Variants in KRABD5 observed in about 807,000 individuals in gnomAD.
KRABD5 encodes KRAB domain containing 5.
chr16:31,735,842 A>G, the KRABD5 span, among the ~76,000 whole-genome samples: 1 of 152,122 alleles, frequency 6.6e-6, no homozygotes, highest in African/African-American at 2.4e-5. Flanking sequence ...ATAGTTTGCA[A>G]ATGTTTTCTC....
At chr16:31,755,483 A>G in the KRABD5 span, 2 of 463,248 alleles carry the variant, frequency 4.3e-6, no homozygotes, top group Non-Finnish European at 8.8e-6. Context: ...TAAAGCATGT[A>G]GCAAATCTTT....
chr16:31,742,883 G>A, the KRABD5 span, among the ~76,000 whole-genome samples: 1 of 152,240 alleles, frequency 6.6e-6, no homozygotes, highest in Admixed American at 6.5e-5. Flanking sequence ...GTCTCATTAT[G>A]GTTTTGATTT....
chr16:31,734,093 C>G, the KRABD5 span, among the ~76,000 whole-genome samples: 1 of 152,030 alleles, frequency 6.6e-6, no homozygotes, highest in South Asian at 2.1e-4. Flanking sequence ...TAAATTGATA[C>G]AATGTTAATT....
the KRABD5 span, among the ~76,000 whole-genome samples, chr16:31,743,276 T>C: frequency 6.6e-6 from 1 of 152,220 alleles, no homozygotes; most frequent in Non-Finnish European, 1.5e-5. Context: ...AAGTCTTTAG[T>C]CCATCTTGAG....
the KRABD5 span, chr16:31,754,435 C>G: frequency 4.1e-4 from 263 of 640,078 alleles, 1 homozygote; most frequent in Non-Finnish European, 5.6e-4. Context: ...TAAATAATTA[C>G]CAGTATATTT....
chr16:31,732,181 G>A, the KRABD5 span, among the ~76,000 whole-genome samples: 1 of 152,178 alleles, frequency 6.6e-6, no homozygotes, highest in Non-Finnish European at 1.5e-5. Flanking sequence ...TCCTCAAATT[G>A]TCCTCCTTGA....
the KRABD5 span, among the ~76,000 whole-genome samples, chr16:31,718,942 TTCC>T: frequency 3.9e-5 from 6 of 152,258 alleles, no homozygotes; most frequent in Non-Finnish European, 8.8e-5. Flanking sequence ...CCAGGATTTG[TTCC>T]TCCACTCACA....
chr16:31,722,682 C>G, the KRABD5 span: 1 of 1,613,274 alleles, frequency 6.2e-7, no homozygotes, highest in East Asian at 2.2e-5. Context: ...AGTGGGAACA[C>G]CTGGACTCAG....
chr16:31,727,683 T>C, the KRABD5 span, among the ~76,000 whole-genome samples: 2 of 152,198 alleles, frequency 1.3e-5, no homozygotes, highest in African/African-American at 4.8e-5. Context: ...TCCTTTCTTA[T>C]TATTGGTCTG....
chr16:31,725,730 T>G, the KRABD5 span, among the ~76,000 whole-genome samples: 466 of 152,344 alleles, frequency 3.1e-3, no homozygotes, highest in Non-Finnish European at 4.9e-3. Context: ...GATGATTAAT[T>G]ATATTCAGCA....
chr16:31,738,705 A>G, the KRABD5 span, among the ~76,000 whole-genome samples: 2 of 151,940 alleles, frequency 1.3e-5, no homozygotes, highest in Non-Finnish European at 2.9e-5. Context: ...TCACCATTGC[A>G]TTTTGTTCAA....
the KRABD5 span, chr16:31,713,280 G>T: frequency 9.5e-7 from 1 of 1,055,212 alleles, no homozygotes. Flanking sequence ...TGCAGTAAGA[G>T]CTCAGTCTCT....
chr16:31,741,787 A>T, the KRABD5 span, among the ~76,000 whole-genome samples: 1 of 151,576 alleles, frequency 6.6e-6, no homozygotes, highest in African/African-American at 2.4e-5. Flanking sequence ...CTGTGCAGAA[A>T]CTCTTTAATT....
the KRABD5 span, among the ~76,000 whole-genome samples, chr16:31,716,826 A>G: frequency 6.6e-6 from 1 of 152,242 alleles, no homozygotes; most frequent in Non-Finnish European, 1.5e-5. Context: ...AATTAAAAAT[A>G]TGAGACTTAA....
At chr16:31,749,608 G>A in the KRABD5 span, among the ~76,000 whole-genome samples, 3 of 152,340 alleles carry the variant, frequency 2.0e-5, no homozygotes, top group Admixed American at 1.3e-4. Context: ...CTTCCGATCC[G>A]TGGGTTGCAC....
chr16:31,737,749 C>G, the KRABD5 span, among the ~76,000 whole-genome samples: 1 of 152,082 alleles, frequency 6.6e-6, no homozygotes, highest in Non-Finnish European at 1.5e-5. Context: ...AGTATGATGC[C>G]TCTTTGTTTT....
chr16:31,717,001 T>G, the KRABD5 span, among the ~76,000 whole-genome samples: 72 of 54,478 alleles, frequency 1.3e-3, 2 homozygotes, highest in East Asian at 0.021. Flanking sequence ...GTCTTTGTTT[T>G]TTTTTTTTTT....
At chr16:31,729,955 A>G in the KRABD5 span, among the ~76,000 whole-genome samples, 1 of 152,082 alleles carries the variant, frequency 6.6e-6, no homozygotes, top group Admixed American at 6.5e-5. Flanking sequence ...GTCACATTTT[A>G]AAACTTTTTA....
the KRABD5 span, among the ~76,000 whole-genome samples, chr16:31,745,748 G>A: frequency 6.6e-6 from 1 of 152,086 alleles, no homozygotes; most frequent in East Asian, 1.9e-4. Flanking sequence ...TTATTGTATG[G>A]GAGTCTACGT....
Sources: allele counts gnomAD v4.1 joint callset (sites outside exome capture counted in the v4.1 genomes callset), GRCh38; gene constraint gnomAD v4.1.1; transcripts MANE v1.5; gene names NCBI Gene and HGNC (gene_info 2026-07-23, HGNC 2026-07-21).